PCDHGA12: variants seen among roughly 807,000 people sequenced by gnomAD.
PCDHGA12 encodes the protein protocadherin gamma subfamily A, 12.
In PCDHGA12, 43 loss-of-function variants were observed where a neutral mutation model predicts 61.1. The ratio of observed to expected loss-of-function variants is 0.70; its 90% CI spans 0.55 to 0.91. PCDHGA12 has a LOEUF of 0.91. Among genes scored for constraint, PCDHGA12 ranks in the 40% least tolerant of loss-of-function variants. The probability of loss-of-function intolerance (pLI) is 0.00; values close to 1 mark genes in which losing one functional copy is unlikely to be tolerated. For missense variants in PCDHGA12, 1,236 were observed against 1,227.7 expected (o/e 1.01, Z -0.10); for synonymous variants, 520 against 542.9 (o/e 0.96, Z 0.59).
At chr5:141,453,495 C>T (rs1490576605) in intron 1 of PCDHGA12, among the ~76,000 whole-genome samples, 1 of 151,968 alleles carries the variant, frequency 6.6e-6, no homozygotes, top group Admixed American at 6.6e-5. Flanking sequence ...AAAAGGTGTA[C>T]TCAGAAAATT....
intron 2 of PCDHGA12, 160 bp from the exon 3 acceptor site, chr5:141,505,233 C>T: frequency 1.1e-6 from 1 of 872,838 alleles, no homozygotes; most frequent in Non-Finnish European, 1.4e-6. Context: ...ATTCTGGCTT[C>T]TGAAGGATTG....
At chr5:141,449,212 GT>G (rs1405401595) in intron 1 of PCDHGA12, among the ~76,000 whole-genome samples, 1 of 152,134 alleles carries the variant, frequency 6.6e-6, no homozygotes, top group African/African-American at 2.4e-5. Context: ...CTAACTTTCT[GT>G]TTTGAAATGA....
Position 141,487,933 on chromosome 5 carries a change from A to G in PCDHGA12, c.2425-6874A>G. ...CACAGGAGGCTACAGTGCACAGGGT[A>G]CAGTGCACCAGGCAGTCACTTGGAC... is the stretch of plus-strand genomic sequence containing the variant. On this transcript the variant is annotated intron_variant, in intron 1 of 3. Coordinates refer to ENST00000252085, the MANE Select transcript of PCDHGA12 (RefSeq NM_003735.3). This position sits in a 1 kb window ranked among gnomAD's most constrained non-coding sequence, Gnocchi z 5.0. 1 of 612,006 alleles carries G rather than the reference A, an allele frequency of 1.6e-6. No homozygotes were observed. Among genetic ancestry groups the G allele is most frequent in the South Asian group, 2.0e-5 (1 of 49,074 alleles). The allele number at this position is 612,006 out of a possible 1,614,324, so 37.9% of individuals were successfully genotyped here. A position where few individuals can be genotyped will look rare whatever the true frequency, so the allele number is the denominator to read the frequency against.
Position 141,476,374 on chromosome 5 carries a change from G to A in PCDHGA12, c.2425-18433G>A. 1.2e-6 allele frequency: 2 copies of A among 1,614,178 alleles called. No individual in the cohort carries two copies. Among genetic ancestry groups the A allele is most frequent in the Non-Finnish European group, 1.7e-6 (2 of 1,180,044 alleles). On this transcript the variant is annotated intron_variant, in intron 1 of 3. Transcript: ENST00000252085. This position sits in a 1 kb window ranked among gnomAD's most constrained non-coding sequence, Gnocchi z 7.6. ...AGGTGAACCGGGAGACCGGAGAGATGTTTGTGAACGACCGTCTGGATCGAG... is the reference window on the plus strand; with the variant it reads ...AGGTGAACCGGGAGACCGGAGAGATATTTGTGAACGACCGTCTGGATCGAG...
At chr5:141,449,202 C>T (rs77980623) in intron 1 of PCDHGA12, among the ~76,000 whole-genome samples, 7,411 of 152,148 alleles carry the variant, frequency 0.049, 284 homozygotes, top group African/African-American at 0.1. Context: ...AGTGTTAATT[C>T]TAACTTTCTG....
intron 1 of PCDHGA12, among the ~76,000 whole-genome samples, chr5:141,469,642 A>G (rs1339074059): frequency 2.0e-5 from 3 of 152,244 alleles, no homozygotes; most frequent in Admixed American, 6.5e-5. Flanking sequence ...AAATATTTTG[A>G]TGACATAATT....
chr5:141,487,623 C>T lies in PCDHGA12; in HGVS notation c.2425-7184C>T, dbSNP rs2099654624. On this transcript the variant is annotated intron_variant, in intron 1 of 3. Coordinates refer to ENST00000252085, the MANE Select transcript of PCDHGA12 (RefSeq NM_003735.3). This position sits in a 1 kb window ranked among gnomAD's most constrained non-coding sequence, Gnocchi z 5.0. The stretch of plus-strand genomic sequence containing the variant: ...CTTCTCTATGGGCTAGAGGTGAGAC[C>T]TTTGCAGGCTCAACAAATGCTTGAG... 6.2e-7 allele frequency: 1 copy of T among 1,614,088 alleles called. No individual in the cohort carries two copies. The highest frequency in any genetic ancestry group is 1.3e-5 in the African/African-American group (1 of 74,930).
chr5:141,482,099 A>AG (rs1423781570), intron 1 of PCDHGA12, among the ~76,000 whole-genome samples: 1 of 151,852 alleles, frequency 6.6e-6, no homozygotes, highest in African/African-American at 2.4e-5. Flanking sequence ...CAAAAAAAAA[A>AG]AAAAAATATC....
chr5:141,492,296 G>GACGC lies in PCDHGA12; in HGVS notation c.2425-2500_2425-2497dup, dbSNP rs540417011. 9.7e-4 allele frequency among the ~76,000 whole-genome samples: 148 copies of GACGC among 152,328 alleles called. 2 individuals are homozygous for GACGC. In the South Asian group the frequency reaches 0.014, roughly 14 times the overall value. ...GCCACGCCCCGCCAACACGTGCGCGGACGCACGCACGCACTCCTCGCACGT... is the reference window on the plus strand; with the variant it reads ...GCCACGCCCCGCCAACACGTGCGCGGACGCACGCACGCACGCACTCCTCGCACGT... On this transcript the variant is annotated intron_variant, in intron 1 of 3. Transcript: ENST00000252085.
At chr5:141,499,689 CTTT>C (rs545067566) in intron 2 of PCDHGA12, among the ~76,000 whole-genome samples, 2 of 119,848 alleles carry the variant, frequency 1.7e-5, no homozygotes, top group African/African-American at 3.1e-5. Context: ...TAACAGATGA[CTTT>C]TTTTTTTTTT....
At chr5:141,494,524 C>T (rs2099754936) in intron 1 of PCDHGA12, among the ~76,000 whole-genome samples, 1 of 152,156 alleles carries the variant, frequency 6.6e-6, no homozygotes, top group African/African-American at 2.4e-5. Flanking sequence ...GGAGTTCTGA[C>T]TCTGGGGGCA....
chr5:141,459,595 T>C (rs904266180), intron 1 of PCDHGA12, among the ~76,000 whole-genome samples: 10 of 152,232 alleles, frequency 6.6e-5, no homozygotes, highest in African/African-American at 9.6e-5. Context: ...TCATATGAAA[T>C]GGGAAGTATA....
At chr5:141,467,537 A>G (rs2154569542) in intron 1 of PCDHGA12, among the ~76,000 whole-genome samples, 1 of 152,192 alleles carries the variant, frequency 6.6e-6, no homozygotes, top group Non-Finnish European at 1.5e-5. Context: ...TGAGATATGG[A>G]TCTGATTATA....
intron 2 of PCDHGA12, among the ~76,000 whole-genome samples, chr5:141,503,518 G>A (rs576791899): frequency 6.7e-6 from 1 of 149,524 alleles, no homozygotes; most frequent in East Asian, 2.0e-4. Flanking sequence ...AGAATCACTT[G>A]AACCTGGGAG....
At position 141,481,468 on chromosome 5, in the gene PCDHGA12, G is replaced by A. The variant is rs575259839; in HGVS notation, c.2425-13339G>A. Among the ~76,000 whole-genome samples the A allele has an allele frequency of 2.6e-5, 4 of 152,332 alleles. No homozygotes were observed. In the South Asian group the frequency reaches 8.3e-4, roughly 32 times the overall value. On this transcript the variant is annotated intron_variant, in intron 1 of 3. Transcript: ENST00000252085. Reference sequence around the variant, plus strand: ...CATGTAAATACACTGAAAACCATTGGATTATACACTTTAAATATGTGATTT... The same window carrying A: ...CATGTAAATACACTGAAAACCATTGAATTATACACTTTAAATATGTGATTT...
chr5:141,445,537 G>A (rs1266179512), intron 1 of PCDHGA12, among the ~76,000 whole-genome samples: 1 of 152,182 alleles, frequency 6.6e-6, no homozygotes, highest in African/African-American at 2.4e-5. Flanking sequence ...AAGCCAACAA[G>A]GAGAAATACA....
In PCDHGA12 at chr5:141,489,844, C is replaced by G. The variant is rs1004902910; in HGVS notation, c.2425-4963C>G. Reference sequence around the variant, plus strand: ...GCTGGTGCTAGAGCAGCAGCTGGATCGTGAAGCCCAGGCAAGACATCAGCT... The same window carrying G: ...GCTGGTGCTAGAGCAGCAGCTGGATGGTGAAGCCCAGGCAAGACATCAGCT... On this transcript the variant is annotated intron_variant, in intron 1 of 3. Coordinates refer to ENST00000252085, the MANE Select transcript of PCDHGA12 (RefSeq NM_003735.3). The surrounding 1 kb of genome is among the most constrained non-coding windows in gnomAD (Gnocchi z 4.5). The G allele has an allele frequency of 1.2e-6, 2 of 1,614,030 alleles. No individual in the cohort carries two copies. Among genetic ancestry groups the G allele is most frequent in the Non-Finnish European group, 8.5e-7 (1 of 1,179,990 alleles).
At position 141,432,640 on chromosome 5, in the gene PCDHGA12, C is replaced by T. The variant is rs2097523683; in HGVS notation, c.1881C>T (p.Arg627=). Residue 627 remains arginine, a synonymous_variant, in exon 1 of 4, where the codon CGC becomes CGT. Transcript: ENST00000252085. This position sits in a 1 kb window ranked among gnomAD's most constrained non-coding sequence, Gnocchi z 6.0. ...TGGGTCTGCACACGGGCGAGGTGCG[C>T]ACGGCGCGAGCCCTGCTGGACAGAG... ...FSVGLHTGEV[R]TARALLDRDA... is the part of the protein sequence containing the mutation. 1.9e-6 allele frequency: 3 copies of T among 1,613,814 alleles called. No individual in the cohort carries two copies. The highest frequency in any genetic ancestry group is 2.5e-6 in the Non-Finnish European group (3 of 1,179,932).
rs747509171 is a variant in PCDHGA12, at chr5:141,477,069, A to G, written c.2425-17738A>G. The stretch of plus-strand genomic sequence containing the variant: ...CTGGACTTCGAGGACACCAAACTCC[A>G]TGAGATTTACATCCAGGCCAAAGAC... On this transcript the variant is annotated intron_variant, in intron 1 of 3. Coordinates refer to ENST00000252085, the MANE Select transcript of PCDHGA12 (RefSeq NM_003735.3). The surrounding 1 kb of genome is among the most constrained non-coding windows in gnomAD (Gnocchi z 4.9). 7 of 1,614,246 alleles carry G rather than the reference A, an allele frequency of 4.3e-6. No homozygotes were observed. The highest frequency in any genetic ancestry group is 5.9e-6 in the Non-Finnish European group (7 of 1,180,026).
Sources: gnomAD v4.1 joint callset for allele counts (sites outside exome capture counted in the v4.1 genomes callset) on GRCh38, gnomAD v4.1.1 for gene constraint, Gnocchi (gnomAD v3.1) non-coding constraint, MANE v1.5 for transcripts, NCBI Gene and HGNC (gene_info 2026-07-23, HGNC 2026-07-21) for gene names.